Variants in AUTS2 observed in about 807,000 individuals in gnomAD.
AUTS2 encodes autism susceptibility gene 2 protein.
AUTS2 carries 17 observed loss-of-function variants against 112.4 expected under a neutral mutation model. That is an observed-to-expected ratio of 0.15 (90% CI 0.10 to 0.23). AUTS2 has a LOEUF of 0.23. Among genes scored for constraint, AUTS2 ranks in the 10% least tolerant of loss-of-function variants. The pLI, the probability that AUTS2 is intolerant of heterozygous loss-of-function variation, is 1.00. For missense variants in AUTS2, 1,510 were observed against 1,701.6 expected (o/e 0.89, Z 1.98); for synonymous variants, 751 against 702.7 (o/e 1.07, Z -1.09).
chr7:70,647,689 G>A (rs577384200), intron 5 of AUTS2, among the ~76,000 whole-genome samples: 1 of 152,244 alleles, frequency 6.6e-6, no homozygotes, highest in Admixed American at 6.5e-5. Context: ...TGCCAACTGG[G>A]TATCATACCT....
intron 1 of AUTS2, among the ~76,000 whole-genome samples, chr7:69,662,600 C>G (rs1057051613): frequency 6.6e-6 from 1 of 152,140 alleles, no homozygotes; most frequent in Non-Finnish European, 1.5e-5. Flanking sequence ...AGCCATTAAC[C>G]TTATAGGGCT....
chr7:69,893,997 C>T (rs1303251561), intron 1 of AUTS2, among the ~76,000 whole-genome samples: 1 of 152,178 alleles, frequency 6.6e-6, no homozygotes, highest in African/African-American at 2.4e-5. Flanking sequence ...TTGCCTTTGT[C>T]AGTCTCTGAG....
At position 70,330,056 on chromosome 7, in the gene AUTS2, G is replaced by A. The variant is rs187353299; in HGVS notation, c.661-105696G>A. ...CCTCATGACCCAGCCTCCTCCTGAA[G>A]GCCTCACCTTTAAAACTATTGCATT... On this transcript the variant is annotated intron_variant, in intron 4 of 18. Coordinates refer to ENST00000342771, the MANE Select transcript of AUTS2 (RefSeq NM_015570.4). 3.6e-4 allele frequency among the ~76,000 whole-genome samples: 55 copies of A among 152,252 alleles called. No individual in the cohort carries two copies. In the East Asian group the frequency reaches 0.01, roughly 28 times the overall value.
intron 4 of AUTS2, among the ~76,000 whole-genome samples, chr7:70,353,211 T>A (rs1221703945): frequency 6.6e-6 from 1 of 152,176 alleles, no homozygotes; most frequent in Admixed American, 6.5e-5. Flanking sequence ...ATATCCCCAT[T>A]TGTATCTTAA....
intron 1 of AUTS2, among the ~76,000 whole-genome samples, chr7:69,607,455 A>G (rs1583928857): frequency 6.6e-6 from 1 of 152,196 alleles, no homozygotes; most frequent in Admixed American, 6.5e-5. Context: ...CAGAAATTCA[A>G]AAATTTTTAA....
rs180715787 is a variant in AUTS2 at position 69,612,912 on chromosome 7, T to C, written c.309+12950T>C. The stretch of plus-strand genomic sequence containing the variant: ...GCATAGTAGGTACTCAGTCATTGCT[T>C]ATTTACAGTTGACAACAATTCCATG... On this transcript the variant is annotated intron_variant, in intron 1 of 18. Coordinates refer to ENST00000342771, the MANE Select transcript of AUTS2 (RefSeq NM_015570.4). Among the ~76,000 whole-genome samples the C allele has an allele frequency of 3.8e-3, 576 of 152,330 alleles. 3 individuals are homozygous for C. The highest frequency in any genetic ancestry group is 0.017 in the Middle Eastern group (5 of 294).
chr7:70,588,455 T>A (rs1170057209), intron 5 of AUTS2, among the ~76,000 whole-genome samples: 3 of 152,168 alleles, frequency 2.0e-5, no homozygotes, highest in Non-Finnish European at 4.4e-5. Flanking sequence ...AGCACTTGAA[T>A]TTCCAGCATC....
At chr7:69,792,182 A>C (rs1392412166) in intron 1 of AUTS2, among the ~76,000 whole-genome samples, 22 of 151,242 alleles carry the variant, frequency 1.5e-4, no homozygotes, top group Admixed American at 1.5e-3. Flanking sequence ...AATCATTATT[A>C]TTGTCAGTGA....
At chr7:70,595,352 C>T (rs746911828) in intron 5 of AUTS2, among the ~76,000 whole-genome samples, 1 of 152,148 alleles carries the variant, frequency 6.6e-6, no homozygotes, top group Non-Finnish European at 1.5e-5. Flanking sequence ...TACTAACTAG[C>T]TCAGGGGCGG....
intron 1 of AUTS2, among the ~76,000 whole-genome samples, chr7:69,698,407 A>G (rs1161206114): frequency 6.6e-6 from 1 of 152,100 alleles, no homozygotes; most frequent in Non-Finnish European, 1.5e-5. Context: ...CCTAGATAGT[A>G]TTTTGTTGAG....
intron 5 of AUTS2, among the ~76,000 whole-genome samples, chr7:70,521,921 G>C (rs535594027): frequency 5.7e-4 from 87 of 152,250 alleles, no homozygotes; most frequent in African/African-American, 2.0e-3. Context: ...GAGGCTAATA[G>C]TACCCAGCTG....
At chr7:70,291,869 G>C (rs1355305464) in intron 4 of AUTS2, 1 of 152,146 alleles carries the variant, frequency 6.6e-6, no homozygotes, top group African/African-American at 2.4e-5. Context: ...TTTTGGTCCA[G>C]ATGGAAAGCC....
chr7:70,745,253 T>G (rs1341443224), intron 6 of AUTS2, among the ~76,000 whole-genome samples: 1 of 152,188 alleles, frequency 6.6e-6, no homozygotes, highest in African/African-American at 2.4e-5. Context: ...CGGGCATCAT[T>G]TCTTCCAGCA....
intron 5 of AUTS2, among the ~76,000 whole-genome samples, chr7:70,574,477 T>C (rs1274974780): frequency 1.3e-5 from 2 of 152,230 alleles, no homozygotes; most frequent in African/African-American, 4.8e-5. Flanking sequence ...GCCAAGTTTA[T>C]TTACAAGCAG....
Position 69,599,507 on chromosome 7 carries a change from T to G in AUTS2, c.-147T>G, listed in dbSNP as rs1381821053. On this transcript the variant is annotated 5_prime_UTR_variant, in exon 1 of 19. Coordinates refer to ENST00000342771, the MANE Select transcript of AUTS2 (RefSeq NM_015570.4). This position sits in a 1 kb window ranked among gnomAD's most constrained non-coding sequence, Gnocchi z 7.0. Reference sequence around the variant, plus strand: ...TCCTCTCTTTCTTCCCCTCTCTCCCTTCTTTCGGCCGCCGTCTCCCCCGCG... The same window carrying G: ...TCCTCTCTTTCTTCCCCTCTCTCCCGTCTTTCGGCCGCCGTCTCCCCCGCG... The G allele has an allele frequency of 1.5e-6, 1 of 655,456 alleles. No homozygotes were observed. Among genetic ancestry groups the G allele is most frequent in the Admixed American group, 4.6e-5 (1 of 21,938 alleles). The allele number at this position is 655,456 out of a possible 1,614,324, so 40.6% of individuals were successfully genotyped here. A position where few individuals can be genotyped will look rare whatever the true frequency, so the allele number is the denominator to read the frequency against.
chr7:70,367,901 G>A (rs558246812), intron 4 of AUTS2, among the ~76,000 whole-genome samples: 5 of 152,278 alleles, frequency 3.3e-5, no homozygotes, highest in South Asian at 2.1e-4. Flanking sequence ...AGAATCATTC[G>A]AAAAGAATGA....
intron 1 of AUTS2, among the ~76,000 whole-genome samples, chr7:69,665,151 T>A (rs1795974561): frequency 6.6e-6 from 1 of 152,150 alleles, no homozygotes; most frequent in African/African-American, 2.4e-5. Flanking sequence ...CTCCCCACTT[T>A]CCACATGTAC....
chr7:69,975,001 TA>T (rs1797998693), intron 2 of AUTS2, among the ~76,000 whole-genome samples: 1 of 152,044 alleles, frequency 6.6e-6, no homozygotes, highest in Admixed American at 6.5e-5. Flanking sequence ...GAACTTCCTT[TA>T]GCCATTCTTT....
At chr7:69,835,771 T>C (rs1791695732) in intron 1 of AUTS2, among the ~76,000 whole-genome samples, 1 of 152,206 alleles carries the variant, frequency 6.6e-6, no homozygotes, top group Non-Finnish European at 1.5e-5. Context: ...AGGTAAGTGG[T>C]TGGAGACATT....
Sources: allele counts gnomAD v4.1 joint callset (sites outside exome capture counted in the v4.1 genomes callset), GRCh38; gene constraint gnomAD v4.1.1; non-coding constraint Gnocchi (gnomAD v3.1); transcripts MANE v1.5; gene names NCBI Gene and HGNC (gene_info 2026-07-23, HGNC 2026-07-21).